The following LYRM1 variants were observed in gnomAD, a reference collection of about 807,000 sequenced individuals.
The protein encoded by LYRM1 is LYR motif-containing protein 1.
In LYRM1, 14 loss-of-function variants were observed where a neutral mutation model predicts 14.9. That is an observed-to-expected ratio of 0.94 (90% confidence interval 0.62 to 1.47). The LOEUF (loss-of-function observed/expected upper bound fraction) is 1.47, where lower values mean the gene tolerates loss of function less well. Ranked by LOEUF, LYRM1 falls within the 40% of genes most tolerant of loss-of-function variation. LYRM1 has a pLI of 0.00. For synonymous variants in LYRM1, 43 were observed against 56.2 expected (o/e 0.77, Z 1.05); for missense variants, 153 against 149.9 (o/e 1.02, Z -0.11).
At chr16:20,915,865 G>C (rs2082867735) in intron 2 of LYRM1, 151 bp downstream of exon 2, 2 of 769,716 alleles carry the variant, frequency 2.6e-6, no homozygotes, top group East Asian at 2.8e-5. Flanking sequence ...AGCTTGGCTA[G>C]CTTGCCTGAC....
intron 2 of LYRM1, among the ~76,000 whole-genome samples, chr16:20,918,954 A>C (rs1478076470): frequency 6.6e-6 from 1 of 151,330 alleles, no homozygotes; most frequent in East Asian, 1.9e-4. Flanking sequence ...ACGCCCTTGA[A>C]ATTTCCAAGC....
At chr16:20,915,022 T>C (rs2152545083) in intron 1 of LYRM1, among the ~76,000 whole-genome samples, 1 of 152,328 alleles carries the variant, frequency 6.6e-6, no homozygotes, top group Non-Finnish European at 1.5e-5. Flanking sequence ...GTGGCCACCA[T>C]GGCAAACGAT....
rs200761472 is a variant in LYRM1 at position 20,920,208 on chromosome 16, A to G, written c.246A>G (p.Pro82=). The stretch of plus-strand genomic sequence containing the variant: ...GACTGCATTACAAGATTCCTTACCC[A>G]AGGCCAGTAAGTGTGACTCCGGTTA... The part of the protein sequence containing the change: ...EIGLHYKIPY[P]RPIHLPPMGL... Residue 82 remains proline (P), a synonymous_variant, in exon 3 of 4, where the codon CCA becomes CCG. Transcript: ENST00000567954. The G allele has an allele frequency of 1.2e-6, 2 of 1,611,752 alleles. No homozygotes were observed. Among genetic ancestry groups the G allele is most frequent in the East Asian group, 4.5e-5 (2 of 44,884 alleles).
Position 20,924,308 on chromosome 16 carries a change from C to T in LYRM1, c.*192C>T, listed in dbSNP as rs2083355089. 2 of 530,634 alleles carry T rather than the reference C, an allele frequency of 3.8e-6. No homozygotes were observed. Among genetic ancestry groups the T allele is most frequent in the South Asian group, 2.1e-5 (1 of 46,814 alleles). The allele number at this position is 530,634 out of a possible 1,614,324, so 32.9% of individuals were successfully genotyped here. A position where few individuals can be genotyped will look rare whatever the true frequency, so the allele number is the denominator to read the frequency against. On this transcript the variant is annotated 3_prime_UTR_variant, in exon 4 of 4. Transcript: ENST00000567954. ...AGCATCTTTCTTCCTGAGTGGATGG[C>T]ATTATCCCTAGAGGTCATGGACCTT...
chr16:20,920,051 A>C, intron 2 of LYRM1, 71 bp from the exon 3 acceptor site: 1 of 971,942 alleles, frequency 1.0e-6, no homozygotes, highest in Non-Finnish European at 1.5e-6. Flanking sequence ...AAGTTTGAGA[A>C]AATGTATACC....
chr16:20,902,393 TAAGG>T (rs1476495729), intron 1 of LYRM1: 2 of 152,252 alleles, frequency 1.3e-5, no homozygotes, highest in Middle Eastern at 6.8e-3. Flanking sequence ...AGATAATAAA[TAAGG>T]AAGGCAGGGA....
Position 20,920,190 on chromosome 16 carries a change from TTAC to T in LYRM1, c.229_231del (p.Tyr77del), listed in dbSNP as rs1457467652. ...CAGCCAGGATTGAAATTGGACTGCA[TTAC>T]AAGATTCCTTACCCAAGGCCAGTAA... On this transcript the variant is annotated inframe_deletion, in exon 3 of 4. Coordinates refer to ENST00000567954, the MANE Select transcript of LYRM1 (RefSeq NM_001128302.3). 1 of 1,613,862 alleles carries T rather than the reference TTAC, an allele frequency of 6.2e-7. No individual in the cohort carries two copies. Among genetic ancestry groups the T allele is most frequent in the Non-Finnish European group, 8.5e-7 (1 of 1,179,812 alleles).
chr16:20,903,323 G>A (rs533664122), intron 1 of LYRM1, among the ~76,000 whole-genome samples: 4 of 152,298 alleles, frequency 2.6e-5, no homozygotes, highest in Non-Finnish European at 4.4e-5. Flanking sequence ...GCTGTCTCCC[G>A]TCTATGTGGC....
chr16:20,910,780 A>G (rs980232171), intron 1 of LYRM1, among the ~76,000 whole-genome samples: 4 of 152,144 alleles, frequency 2.6e-5, no homozygotes, highest in African/African-American at 9.7e-5. Flanking sequence ...CCTCTAAAAA[A>G]AAAAACAACA....
At chr16:20,907,871 A>C (rs2082398463) in intron 1 of LYRM1, among the ~76,000 whole-genome samples, 1 of 152,120 alleles carries the variant, frequency 6.6e-6, no homozygotes, top group Admixed American at 6.6e-5. Flanking sequence ...TGACTGTCTG[A>C]AATTCTTGTT....
In LYRM1 at chr16:20,906,083, C is replaced by A. The variant is rs149565342; in HGVS notation, c.-1+5194C>A. On this transcript the variant is annotated intron_variant, in intron 1 of 3. Transcript: ENST00000567954. ...CAGTCCCAAATCTCCCCCTGCTCTCCCCACCTCCTACTCCCTGCAACACAC... is the reference window on the plus strand; with the variant it reads ...CAGTCCCAAATCTCCCCCTGCTCTCACCACCTCCTACTCCCTGCAACACAC... 4.8e-3 allele frequency among the ~76,000 whole-genome samples: 730 copies of A among 152,246 alleles called. 6 individuals are homozygous for A. The highest frequency in any genetic ancestry group is 0.016 in the African/African-American group (667 of 41,542).
chr16:20,914,224 T>A (rs558142062), intron 1 of LYRM1, among the ~76,000 whole-genome samples: 1 of 151,018 alleles, frequency 6.6e-6, no homozygotes, highest in Non-Finnish European at 1.5e-5. Context: ...CCTGACAACC[T>A]CTGGGTGGAA....
chr16:20,915,895 C>T (rs1388471719), intron 2 of LYRM1, among the ~76,000 whole-genome samples, 181 bp downstream of exon 2: 1 of 152,206 alleles, frequency 6.6e-6, no homozygotes, highest in African/African-American at 2.4e-5. Context: ...GCCTGTGTTT[C>T]TCTCTTCACT....
At chr16:20,921,268 T>C (rs1045327317) in intron 3 of LYRM1, 2 of 152,134 alleles carry the variant, frequency 1.3e-5, no homozygotes, top group African/African-American at 4.8e-5. Flanking sequence ...GTTTTAATTT[T>C]TTGTAGAGAT....
intron 1 of LYRM1, among the ~76,000 whole-genome samples, chr16:20,907,906 C>T (rs1372467591): frequency 6.6e-6 from 1 of 152,026 alleles, no homozygotes; most frequent in African/African-American, 2.4e-5. Flanking sequence ...GCCTATGCCA[C>T]TAGAATATAA....
At chr16:20,917,581 G>GA (rs2082971263) in intron 2 of LYRM1, among the ~76,000 whole-genome samples, 1 of 152,006 alleles carries the variant, frequency 6.6e-6, no homozygotes, top group African/African-American at 2.4e-5. Context: ...CCAACATGGT[G>GA]AAACCCTGTC....
intron 1 of LYRM1, chr16:20,902,367 G>GA (rs985298978): frequency 2.0e-5 from 3 of 152,310 alleles, no homozygotes; most frequent in Admixed American, 1.3e-4. Flanking sequence ...ACAAGTCGGG[G>GA]AAAAATCATA....
chr16:20,908,268 T>C (rs563483332), intron 1 of LYRM1, among the ~76,000 whole-genome samples: 23 of 152,334 alleles, frequency 1.5e-4, no homozygotes, highest in Non-Finnish European at 3.1e-4. Context: ...GGGAAGGCTA[T>C]TGGAATTCAC....
At chr16:20,919,550 A>C (rs2083080847) in intron 2 of LYRM1, among the ~76,000 whole-genome samples, 1 of 152,228 alleles carries the variant, frequency 6.6e-6, no homozygotes, top group South Asian at 2.1e-4. Flanking sequence ...TTTTAGAGAG[A>C]TCCATAGCGG....
Sources: gnomAD v4.1 joint callset for allele counts (sites outside exome capture counted in the v4.1 genomes callset) on GRCh38, gnomAD v4.1.1 for gene constraint, MANE v1.5 for transcripts, NCBI Gene and HGNC (gene_info 2026-07-23, HGNC 2026-07-21) for gene names.